The following TRAP1 variants were observed in gnomAD, a reference collection of about 807,000 sequenced individuals.
TRAP1 encodes the protein TNF receptor associated protein 1, also known as heat shock protein 75 kDa, mitochondrial.
Under a neutral mutation model 89.1 loss-of-function variants are expected in TRAP1, and 102 were observed. That is an observed-to-expected ratio of 1.15 (90% CI 0.98 to 1.35). The LOEUF is 1.35. Among genes scored for constraint, TRAP1 ranks in the 40% most tolerant of loss-of-function variants. The probability of loss-of-function intolerance (pLI) is 0.00; values close to 1 mark genes in which losing one functional copy is unlikely to be tolerated. For synonymous variants in TRAP1, 508 were observed against 388.0 expected, an observed-to-expected ratio of 1.31 and a Z score of -3.64; for missense variants, 1,256 against 945.3, an observed-to-expected ratio of 1.33 and a Z score of -4.31.
intron 1 of TRAP1, chr16:3,704,240 G>C (rs894458601): frequency 6.6e-6 from 1 of 152,094 alleles, no homozygotes; most frequent in South Asian, 2.1e-4. Flanking sequence ...AGCTACTCGC[G>C]AGACCAACGC....
At chr16:3,687,872 A>AAC (rs1195660022) in intron 3 of TRAP1, among the ~76,000 whole-genome samples, 7 of 151,344 alleles carry the variant, frequency 4.6e-5, no homozygotes, top group Admixed American at 6.6e-5. Context: ...CCAAAAAAAA[A>AAC]AAAAACAAAA....
At chr16:3,662,822 C>G (rs1452356435) in intron 15 of TRAP1, 60 bp downstream of exon 15, 1 of 1,556,270 alleles carries the variant, frequency 6.4e-7, no homozygotes, top group Non-Finnish European at 8.8e-7. Flanking sequence ...GAGCCACCAG[C>G]TGGCCAGCCT....
chr16:3,658,839 T>G lies in TRAP1; in HGVS notation c.1967A>C (p.Gln656Pro), dbSNP rs2042887601. 6.2e-7 allele frequency: 1 copy of G among 1,613,928 alleles called. No individual in the cohort carries two copies. Among genetic ancestry groups the G allele is most frequent in the African/African-American group, 1.3e-5 (1 of 74,948 alleles). Residue 656 changes from glutamine (Q) to proline (P), a missense_variant, in exon 17 of 18, where the codon CAG (glutamine) becomes CCG (proline). Physicochemically the swap from Gln to Pro is moderately conservative, Grantham distance 76. Transcript: ENST00000246957. Reference sequence around the variant, plus strand: ...CAGGCCAGGCTCGCTTGCGCGCAGCTGATTCAGCTTCTTGATGAGCGCGTG... The same window carrying G: ...CAGGCCAGGCTCGCTTGCGCGCAGCGGATTCAGCTTCTTGATGAGCGCGTG... ...PRHALIKKLN[Q>P]LRASEPGLAQ...
chr16:3,686,718 C>T (rs2051143499), intron 3 of TRAP1, among the ~76,000 whole-genome samples: 2 of 152,148 alleles, frequency 1.3e-5, no homozygotes, highest in South Asian at 2.1e-4. Context: ...TGCTTGTAAT[C>T]CAGGCACTTT....
intron 14 of TRAP1, chr16:3,663,202 C>G (rs2050727586): frequency 1.4e-6 from 1 of 690,958 alleles, no homozygotes. Context: ...GAAGCTGGGC[C>G]AGCTCCAGAA....
intron 9 of TRAP1, among the ~76,000 whole-genome samples, chr16:3,673,272 T>C (rs1324351446): frequency 1.3e-5 from 2 of 152,222 alleles, no homozygotes. Flanking sequence ...CAAATTTCAG[T>C]GTCTACGCAG....
chr16:3,690,866 G>C lies in TRAP1; in HGVS notation c.208C>G (p.Pro70Ala), dbSNP rs1019082872. The C allele has an allele frequency of 6.3e-7, 1 of 1,576,258 alleles. No individual in the cohort carries two copies. Among genetic ancestry groups the C allele is most frequent in the Non-Finnish European group, 8.6e-7 (1 of 1,161,194 alleles). ...STQTAEDKEEPLHSIISSTES... is the reference protein window; with the variant it reads ...STQTAEDKEEALHSIISSTES... ...GTGCTGCTGATAATCGAGTGCAGGG[G>C]TTCCTCCTTGTCCTCGGCGGTCTGC... is the stretch of plus-strand genomic sequence containing the variant. The change falls in exon 2 of 18, where the codon CCC (proline) becomes GCC (alanine). Residue 70 changes from proline to alanine, a missense_variant. Transcript: ENST00000246957.
chr16:3,663,298 C>T (rs963770270), intron 14 of TRAP1, 126 bp downstream of exon 14: 38 of 1,295,566 alleles, frequency 2.9e-5, no homozygotes, highest in Admixed American at 9.4e-5. Flanking sequence ...TCCCACAAGG[C>T]TCTTCTCGGG....
At chr16:3,710,161 G>A (rs943739224) in intron 1 of TRAP1, among the ~76,000 whole-genome samples, 2 of 152,176 alleles carry the variant, frequency 1.3e-5, no homozygotes, top group African/African-American at 4.8e-5. Flanking sequence ...AGAACAAAAA[G>A]CGAAAGGGCA....
At chr16:3,714,980 A>C (rs974282369) in intron 1 of TRAP1, among the ~76,000 whole-genome samples, 2 of 152,192 alleles carry the variant, frequency 1.3e-5, no homozygotes, top group Non-Finnish European at 2.9e-5. Flanking sequence ...CAATCAATCC[A>C]AACAATTTAC....
chr16:3,683,236 G>C (rs1444209848), intron 4 of TRAP1, among the ~76,000 whole-genome samples: 2 of 152,072 alleles, frequency 1.3e-5, no homozygotes, highest in African/African-American at 2.4e-5. Context: ...GCCAAGAGGA[G>C]CTAAGGGGCC....
intron 10 of TRAP1, among the ~76,000 whole-genome samples, 171 bp downstream of exon 10, chr16:3,672,529 G>A (rs1177067210): frequency 1.3e-5 from 2 of 152,154 alleles, no homozygotes; most frequent in Non-Finnish European, 2.9e-5. Flanking sequence ...GCGTAGGGAG[G>A]TGGGGCAGCT....
At chr16:3,678,024 G>C (rs946537872) in intron 5 of TRAP1, 2 of 211,114 alleles carry the variant, frequency 9.5e-6, no homozygotes, top group East Asian at 1.4e-4. Context: ...AGTGAGGAGA[G>C]GCTCCAAACT....
chr16:3,663,428 G>T lies in TRAP1; in HGVS notation c.1704C>A (p.Ser568=), dbSNP rs749004012. The change falls in exon 14 of 18, where the codon TCC becomes TCA. Residue 568 remains serine (S), a synonymous_variant. Coordinates refer to ENST00000246957, the MANE Select transcript of TRAP1 (RefSeq NM_016292.3). ...HYKEEKFEDR[S]PAAECLSEKE... is the part of the protein sequence containing the mutation. ...TAGAGAGCAGGGGATGCCGACCTGG[G>T]GACCTGTCCTCAAACTTCTCCTCCT... The T allele has an allele frequency of 2.5e-6, 4 of 1,614,020 alleles. No individual in the cohort carries two copies. The East Asian group carries it at 8.9e-5, about 36-fold the overall frequency.
At chr16:3,662,771 T>C (rs1567221258) in intron 15 of TRAP1, 111 bp downstream of exon 15, 1 of 1,011,416 alleles carries the variant, frequency 9.9e-7, no homozygotes, top group African/African-American at 1.6e-5. Flanking sequence ...ACCAAGGGCT[T>C]CTGCTGCTGC....
At position 3,690,840 on chromosome 16, in the gene TRAP1, T is replaced by G; in HGVS notation, c.234A>C (p.Thr78=). Residue 78 remains threonine (T), a synonymous_variant, in exon 2 of 18, where the codon ACA becomes ACC. Coordinates refer to ENST00000246957, the MANE Select transcript of TRAP1 (RefSeq NM_016292.3). ...EEPLHSIISS[T]ESVQGSTSKH... The stretch of plus-strand genomic sequence containing the variant: ...AGCCAAGGCTACCCTGCACGCTCTC[T>G]GTGCTGCTGATAATCGAGTGCAGGG... 6.6e-7 allele frequency: 1 copy of G among 1,523,018 alleles called. No homozygotes were observed. The highest frequency in any genetic ancestry group is 8.8e-7 in the Non-Finnish European group (1 of 1,132,824). 94.3% of individuals were successfully genotyped at this position (1,523,018 alleles called of 1,614,324 possible). A position where few individuals can be genotyped will look rare whatever the true frequency, so the allele number is the denominator to read the frequency against.
intron 4 of TRAP1, among the ~76,000 whole-genome samples, chr16:3,680,312 C>G (rs190158860): frequency 2.0e-5 from 3 of 152,050 alleles, no homozygotes; most frequent in Admixed American, 6.5e-5. Flanking sequence ...CAGGAAGGGA[C>G]AGCAGAAAGT....
chr16:3,693,284 TA>T (rs1408773653), intron 1 of TRAP1, among the ~76,000 whole-genome samples: 1 of 152,074 alleles, frequency 6.6e-6, no homozygotes, highest in African/African-American at 2.4e-5. Flanking sequence ...GCAGATACCT[TA>T]AAAACATCTA....
intron 11 of TRAP1, among the ~76,000 whole-genome samples, chr16:3,670,579 T>A (rs1381430696): frequency 6.6e-6 from 1 of 151,526 alleles, no homozygotes; most frequent in East Asian, 1.9e-4. Context: ...TAGCTCACAC[T>A]TGTAGTCCCA....
Sources: gnomAD v4.1 joint callset for allele counts (sites outside exome capture counted in the v4.1 genomes callset) on GRCh38, gnomAD v4.1.1 for gene constraint, MANE v1.5 for transcripts, NCBI Gene and HGNC (gene_info 2026-07-23, HGNC 2026-07-21) for gene names.